SMYD3: variants seen among roughly 807,000 people sequenced by gnomAD.
The protein encoded by SMYD3 is SET and MYND domain containing 3.
SMYD3 carries 36 observed loss-of-function variants against 57.7 expected under a neutral mutation model. The ratio of observed to expected loss-of-function variants is 0.62; its 90% CI spans 0.48 to 0.82. The LOEUF (loss-of-function observed/expected upper bound fraction) is 0.82. Ranked by LOEUF, SMYD3 falls within the 40% of genes least tolerant of loss-of-function variation. The pLI is 0.00. For synonymous variants in SMYD3, 211 were observed against 195.0 expected (o/e 1.08, Z -0.68); for missense variants, 515 against 538.8 (o/e 0.96, Z 0.44).
At chr1:246,324,185 C>A in intron 5 of SMYD3, among the ~76,000 whole-genome samples, 1 of 152,060 alleles carries the variant, frequency 6.6e-6, no homozygotes, top group Non-Finnish European at 1.5e-5. Flanking sequence ...GAGGCCAAGG[C>A]GGGCGGATCA....
At chr1:246,214,361 T>C (rs1055562648) in intron 5 of SMYD3, among the ~76,000 whole-genome samples, 10 of 152,110 alleles carry the variant, frequency 6.6e-5, no homozygotes, top group African/African-American at 2.2e-4. Context: ...TGTGCTGGAA[T>C]GGTAAACCAA....
At chr1:246,485,389 A>C (rs2068170768) in intron 1 of SMYD3, among the ~76,000 whole-genome samples, 2 of 152,246 alleles carry the variant, frequency 1.3e-5, no homozygotes, top group African/African-American at 4.8e-5. Flanking sequence ...TCCAATTTCC[A>C]AGATAAATAT....
intron 5 of SMYD3, among the ~76,000 whole-genome samples, chr1:246,120,629 A>C (rs1451064163): frequency 6.6e-6 from 1 of 152,166 alleles, no homozygotes; most frequent in Non-Finnish European, 1.5e-5. Flanking sequence ...CTGTATCTTC[A>C]GCACTTGGCA....
intron 1 of SMYD3, among the ~76,000 whole-genome samples, chr1:246,444,457 G>C (rs1489104099): frequency 6.6e-6 from 1 of 152,128 alleles, no homozygotes; most frequent in Non-Finnish European, 1.5e-5. Context: ...GGTCCCTTTA[G>C]TGGGTGAACC....
intron 5 of SMYD3, among the ~76,000 whole-genome samples, chr1:246,098,893 C>T (rs1026142344): frequency 8.5e-5 from 13 of 152,164 alleles, no homozygotes; most frequent in African/African-American, 3.1e-4. Context: ...TGAAAAGCAG[C>T]TCCAAAAATA....
At chr1:246,437,606 A>C (rs1448870837) in intron 1 of SMYD3, among the ~76,000 whole-genome samples, 1 of 152,238 alleles carries the variant, frequency 6.6e-6, no homozygotes, top group Non-Finnish European at 1.5e-5. Context: ...TTTTCTGTAC[A>C]CAATTTTGTT....
intron 1 of SMYD3, among the ~76,000 whole-genome samples, chr1:246,450,306 C>T (rs1405185395): frequency 6.6e-6 from 1 of 151,896 alleles, no homozygotes; most frequent in Non-Finnish European, 1.5e-5. Context: ...AAAAAAAACT[C>T]ATCAACAGAA....
At chr1:246,220,746 A>T (rs1455954253) in intron 5 of SMYD3, among the ~76,000 whole-genome samples, 1 of 152,136 alleles carries the variant, frequency 6.6e-6, no homozygotes, top group Non-Finnish European at 1.5e-5. Flanking sequence ...ATGGAGTGGA[A>T]ACTTGTGGTG....
chr1:246,506,810 G>A (rs2068546752), intron 1 of SMYD3, among the ~76,000 whole-genome samples: 1 of 140,466 alleles, frequency 7.1e-6, no homozygotes, highest in Admixed American at 7.4e-5. Flanking sequence ...AGCCCAGGTT[G>A]GGGGGCAGTG....
intron 1 of SMYD3, 56 bp downstream of exon 1, chr1:246,506,998 T>A (rs112001464): frequency 0.03 from 6,729 of 222,088 alleles, 43 homozygotes; most frequent in Non-Finnish European, 0.034. Flanking sequence ...CGCCCCCCCC[T>A]CCCCAGCACC....
At chr1:246,213,578 G>A (rs78721407) in intron 5 of SMYD3, among the ~76,000 whole-genome samples, 13,427 of 152,124 alleles carry the variant, frequency 0.088, 1,052 homozygotes, top group East Asian at 0.24. Context: ...ACAAGGGCAG[G>A]GGAACACTCA....
chr1:246,020,732 G>C (rs1343160888), intron 5 of SMYD3, among the ~76,000 whole-genome samples: 1 of 152,108 alleles, frequency 6.6e-6, no homozygotes, highest in East Asian at 1.9e-4. Context: ...GCATTTTATA[G>C]ATAAGAAAAC....
chr1:246,506,990 C>CCCCCCCCCCCCCCCCA, intron 1 of SMYD3, 64 bp downstream of exon 1: 1 of 609,992 alleles, frequency 1.6e-6, no homozygotes, highest in Non-Finnish European at 2.2e-6. Flanking sequence ...CCGCCCGACG[C>CCCCCCCCCCCCCCCCA]CCCCCCCTCC....
intron 11 of SMYD3, 57 bp downstream of exon 11, chr1:245,763,984 G>C (rs1328934639): frequency 7.6e-7 from 1 of 1,320,822 alleles, no homozygotes; most frequent in African/African-American, 1.4e-5. Flanking sequence ...AAGAGGCCCA[G>C]CAACAGCAGA....
intron 10 of SMYD3, among the ~76,000 whole-genome samples, chr1:245,804,162 C>T (rs537356673): frequency 5.3e-5 from 8 of 152,186 alleles, no homozygotes; most frequent in East Asian, 3.9e-4. Context: ...CTGCCCATCT[C>T]GGCCTCCCAA....
At chr1:246,060,505 C>G (rs1246762029) in intron 5 of SMYD3, among the ~76,000 whole-genome samples, 2 of 152,006 alleles carry the variant, frequency 1.3e-5, no homozygotes, top group Non-Finnish European at 2.9e-5. Flanking sequence ...AGCAAAATGT[C>G]TTTCTTGATT....
intron 5 of SMYD3, among the ~76,000 whole-genome samples, chr1:246,197,562 A>C (rs946620096): frequency 8.6e-5 from 13 of 151,714 alleles, no homozygotes; most frequent in African/African-American, 3.2e-4. Flanking sequence ...ATATTCCTCC[A>C]AACTGTCAAG....
At chr1:246,089,313 A>G (rs1344279392) in intron 5 of SMYD3, among the ~76,000 whole-genome samples, 1 of 152,182 alleles carries the variant, frequency 6.6e-6, no homozygotes, top group African/African-American at 2.4e-5. Flanking sequence ...CAATACATAA[A>G]GATGACATTT....
At chr1:245,770,373 G>A (rs952340757) in intron 10 of SMYD3, among the ~76,000 whole-genome samples, 2 of 152,226 alleles carry the variant, frequency 1.3e-5, no homozygotes, top group African/African-American at 4.8e-5. Flanking sequence ...AGGAGCTCCA[G>A]TAAACATTCC....
Sources: gnomAD v4.1 joint callset for allele counts (sites outside exome capture counted in the v4.1 genomes callset) on GRCh38, gnomAD v4.1.1 for gene constraint, MANE v1.5 for transcripts, NCBI Gene and HGNC (gene_info 2026-07-23, HGNC 2026-07-21) for gene names.